KCTD16: variants seen among roughly 807,000 people sequenced by gnomAD.
KCTD16 encodes the protein potassium channel tetramerization domain containing 16.
Under a neutral mutation model 33.2 loss-of-function variants are expected in KCTD16, and 13 were observed. That is an observed-to-expected ratio of 0.39 (90% CI 0.25 to 0.62). The LOEUF is 0.62. Ranked by LOEUF, KCTD16 falls within the 20% of genes least tolerant of loss-of-function variation. The probability of loss-of-function intolerance (pLI) is 0.50; values close to 1 mark genes in which losing one functional copy is unlikely to be tolerated. For missense variants in KCTD16, 441 were observed against 525.1 expected, an observed-to-expected ratio of 0.84 and a Z score of 1.57; for synonymous variants, 197 against 195.3, an observed-to-expected ratio of 1.01 and a Z score of -0.07.
intron 2 of KCTD16, among the ~76,000 whole-genome samples, chr5:144,202,422 T>C (rs543480460): frequency 3.9e-5 from 6 of 152,298 alleles, no homozygotes; most frequent in Admixed American, 2.0e-4. Flanking sequence ...TTCCTTCAAG[T>C]CTTTTATCTT....
chr5:144,338,870 T>C (rs1752557270), intron 3 of KCTD16, among the ~76,000 whole-genome samples: 1 of 152,182 alleles, frequency 6.6e-6, no homozygotes, highest in African/African-American at 2.4e-5. Context: ...TCCTCACTTT[T>C]ATGAGATCCT....
At chr5:144,268,531 A>C (rs1419046105) in intron 3 of KCTD16, among the ~76,000 whole-genome samples, 1 of 152,192 alleles carries the variant, frequency 6.6e-6, no homozygotes, top group Non-Finnish European at 1.5e-5. Context: ...TTTTAAAAAG[A>C]CCTTAGATTT....
intron 3 of KCTD16, among the ~76,000 whole-genome samples, chr5:144,304,396 T>C (rs1751534238): frequency 1.3e-5 from 2 of 152,112 alleles, no homozygotes; most frequent in Non-Finnish European, 1.5e-5. Context: ...TCAGTGGCCC[T>C]TAAAAGGGAT....
At chr5:144,256,852 T>G (rs2126835905) in intron 3 of KCTD16, among the ~76,000 whole-genome samples, 3 of 152,220 alleles carry the variant, frequency 2.0e-5, no homozygotes, top group Admixed American at 2.0e-4. Context: ...TGATTATATA[T>G]TGGGTAGAGG....
At chr5:144,392,104 GT>G in intron 3 of KCTD16, among the ~76,000 whole-genome samples, 1 of 152,342 alleles carries the variant, frequency 6.6e-6, no homozygotes, top group Admixed American at 6.5e-5. Flanking sequence ...TGTTATAATA[GT>G]TGCCATGAAG....
At chr5:144,357,443 T>G (rs1249295279) in intron 3 of KCTD16, among the ~76,000 whole-genome samples, 2 of 152,160 alleles carry the variant, frequency 1.3e-5, no homozygotes, top group Non-Finnish European at 2.9e-5. Context: ...TTTCTTGAAA[T>G]CTGGAGTCTT....
chr5:144,226,952 A>G (rs549477190), intron 3 of KCTD16, among the ~76,000 whole-genome samples: 128 of 152,288 alleles, frequency 8.4e-4, no homozygotes, highest in Middle Eastern at 3.4e-3. Flanking sequence ...TAAGGGTTTT[A>G]TGCATTATTA....
At chr5:144,364,399 G>A (rs143520527) in intron 3 of KCTD16, among the ~76,000 whole-genome samples, 5 of 152,242 alleles carry the variant, frequency 3.3e-5, no homozygotes, top group Middle Eastern at 3.4e-3. Flanking sequence ...AAATAGGTGG[G>A]CAATGCTGAA....
intron 3 of KCTD16, among the ~76,000 whole-genome samples, chr5:144,236,027 T>G (rs545921947): frequency 6.6e-6 from 1 of 152,242 alleles, no homozygotes; most frequent in East Asian, 1.9e-4. Flanking sequence ...ACATAGATCT[T>G]GGCAATGATT....
intron 3 of KCTD16, among the ~76,000 whole-genome samples, chr5:144,432,417 T>C (rs996890365): frequency 5.3e-5 from 8 of 152,204 alleles, no homozygotes; most frequent in Admixed American, 3.9e-4. Context: ...CTCAAAGTCA[T>C]CTAGCTAGTA....
intron 3 of KCTD16, among the ~76,000 whole-genome samples, chr5:144,315,278 A>G (rs1295719652): frequency 6.6e-6 from 1 of 152,180 alleles, no homozygotes; most frequent in Non-Finnish European, 1.5e-5. Flanking sequence ...TTATCCCTGA[A>G]CAATCCAACG....
chr5:144,469,258 A>G (rs1225474008), intron 3 of KCTD16, among the ~76,000 whole-genome samples: 1 of 152,152 alleles, frequency 6.6e-6, no homozygotes, highest in East Asian at 1.9e-4. Context: ...TTCCAAAAAC[A>G]TCCTCTGTTC....
At position 144,367,784 on chromosome 5, in the gene KCTD16, T is replaced by C. The variant is rs186171062; in HGVS notation, c.833-105876T>C. ...CATTGTGGGATGCTGAAGTTTGGGG[T>C]TTTTCAGCCCTTGCTTCCCTCCTTC... On this transcript the variant is annotated intron_variant, in intron 3 of 3. Transcript: ENST00000512467. Among the ~76,000 whole-genome samples, 3 of 149,544 alleles carry C rather than the reference T, an allele frequency of 2.0e-5. No individual in the cohort carries two copies. In the Admixed American group the frequency reaches 2.0e-4, roughly 10 times the overall value.
chr5:144,339,054 CACA>C (rs1752563839), intron 3 of KCTD16, among the ~76,000 whole-genome samples: 1 of 68,734 alleles, frequency 1.5e-5, no homozygotes, highest in South Asian at 2.8e-4. Context: ...CACATCCACA[CACA>C]GGACAACTGT....
intron 2 of KCTD16, among the ~76,000 whole-genome samples, chr5:144,203,754 C>A (rs1040743678): frequency 6.6e-6 from 1 of 152,156 alleles, no homozygotes; most frequent in East Asian, 1.9e-4. Context: ...GGTCTGAATT[C>A]AGATTTATTT....
At chr5:144,191,630 C>A (rs186305074) in intron 2 of KCTD16, among the ~76,000 whole-genome samples, 1 of 152,170 alleles carries the variant, frequency 6.6e-6, no homozygotes, top group Non-Finnish European at 1.5e-5. Flanking sequence ...GCTGAGTTAT[C>A]CTTCCTCAGA....
chr5:144,307,600 C>A (rs1368764826), intron 3 of KCTD16, among the ~76,000 whole-genome samples: 1 of 152,200 alleles, frequency 6.6e-6, no homozygotes, highest in African/African-American at 2.4e-5. Context: ...ATACAGTTTG[C>A]AAATGGTGGA....
intron 2 of KCTD16, among the ~76,000 whole-genome samples, chr5:144,183,069 G>A (rs1752659385): frequency 6.6e-6 from 1 of 151,882 alleles, no homozygotes. Context: ...AAAAGAGTGG[G>A]AGTAAGACCA....
intron 3 of KCTD16, among the ~76,000 whole-genome samples, chr5:144,457,694 C>T (rs1490582430): frequency 6.6e-6 from 1 of 152,032 alleles, no homozygotes; most frequent in African/African-American, 2.4e-5. Context: ...AATTTTATCC[C>T]AATATATATG....
Sources: allele counts gnomAD v4.1 joint callset (sites outside exome capture counted in the v4.1 genomes callset), GRCh38; gene constraint gnomAD v4.1.1; transcripts MANE v1.5; gene names NCBI Gene and HGNC (gene_info 2026-07-23, HGNC 2026-07-21).